FHIT: variants seen among roughly 807,000 people sequenced by gnomAD.
FHIT encodes bis(5'-adenosyl)-triphosphatase.
A neutral mutation model predicts 17.9 loss-of-function variants in FHIT; 19 were observed. The ratio of observed to expected loss-of-function variants is 1.06; its 90% confidence interval spans 0.74 to 1.56. FHIT has a LOEUF of 1.56. Among genes scored for constraint, FHIT ranks in the 40% most tolerant of loss-of-function variants. FHIT has a pLI of 0.00. For missense variants in FHIT, 248 were observed against 189.2 expected (o/e 1.31, Z -1.82); for synonymous variants, 81 against 69.7 (o/e 1.16, Z -0.81).
At chr3:60,111,561 T>C (rs533186867) in intron 5 of FHIT, among the ~76,000 whole-genome samples, 15 of 152,364 alleles carry the variant, frequency 9.8e-5, no homozygotes, top group African/African-American at 1.2e-4. Flanking sequence ...ATTTGAGAAA[T>C]ACCTTTCATT....
intron 7 of FHIT, among the ~76,000 whole-genome samples, chr3:59,942,424 C>T (rs1706569899): frequency 6.6e-6 from 1 of 152,150 alleles, no homozygotes; most frequent in Non-Finnish European, 1.5e-5. Context: ...CGCCTGTGGA[C>T]AAGTTTGTCA....
At chr3:59,888,292 T>A (rs17299290) in intron 8 of FHIT, among the ~76,000 whole-genome samples, 6,778 of 152,304 alleles carry the variant, frequency 0.045, 166 homozygotes, top group South Asian at 0.079. Flanking sequence ...CATGCATAGC[T>A]TATATAGAGA....
intron 4 of FHIT, among the ~76,000 whole-genome samples, chr3:60,648,736 A>C (rs111519555): frequency 7.6e-4 from 115 of 152,308 alleles, no homozygotes; most frequent in African/African-American, 2.7e-3. Context: ...GAAAAGCTAA[A>C]AAAGGAGCGA....
intron 7 of FHIT, among the ~76,000 whole-genome samples, chr3:59,953,521 A>T (rs1707232712): frequency 6.6e-6 from 1 of 152,050 alleles, no homozygotes; most frequent in African/African-American, 2.4e-5. Context: ...CTTGGTCGAA[A>T]CACTTGCAGA....
At chr3:60,428,417 A>G (rs1198116045) in intron 5 of FHIT, among the ~76,000 whole-genome samples, 2 of 152,096 alleles carry the variant, frequency 1.3e-5, no homozygotes, top group African/African-American at 4.8e-5. Context: ...TCTTCTTCCT[A>G]TATCCCTTTA....
intron 2 of FHIT, among the ~76,000 whole-genome samples, chr3:61,115,124 G>T (rs2036263304): frequency 1.3e-5 from 2 of 152,114 alleles, no homozygotes; most frequent in Non-Finnish European, 1.5e-5. Flanking sequence ...AGGTGTTGGG[G>T]CTATAACTGT....
chr3:60,062,176 T>C (rs1702320330), intron 5 of FHIT, among the ~76,000 whole-genome samples: 1 of 152,146 alleles, frequency 6.6e-6, no homozygotes. Context: ...AAGCATTGAT[T>C]GAGTACCTAA....
intron 3 of FHIT, among the ~76,000 whole-genome samples, chr3:60,963,305 T>C (rs185964022): frequency 5.3e-4 from 81 of 152,354 alleles, no homozygotes; most frequent in African/African-American, 1.9e-3. Flanking sequence ...TTGCATCTAT[T>C]TGATTCTTCT....
chr3:60,130,951 GACAATAAACCAGTAGAAAGGTA>G (rs1290169290), intron 5 of FHIT, among the ~76,000 whole-genome samples: 2 of 118,572 alleles, frequency 1.7e-5, no homozygotes, highest in African/African-American at 5.4e-5. Context: ...ATACATATGT[GACAATAAACCAGTAGAAAGGTA>G]TATATATACA....
chr3:60,955,635 C>CATATATATATACATATATATATACAT (rs1553778580), intron 3 of FHIT, among the ~76,000 whole-genome samples: 1 of 48,346 alleles, frequency 2.1e-5, no homozygotes, highest in Non-Finnish European at 4.4e-5. Flanking sequence ...TATATATATA[C>CATATATATATACATATATATATACAT]ACACACACAC....
chr3:60,023,286 C>A (rs982660273), intron 5 of FHIT, among the ~76,000 whole-genome samples: 3 of 152,172 alleles, frequency 2.0e-5, no homozygotes, highest in Non-Finnish European at 4.4e-5. Flanking sequence ...ATCTGCAATT[C>A]ATTGCAGATC....
At chr3:60,312,815 T>C (rs1709006337) in intron 5 of FHIT, among the ~76,000 whole-genome samples, 2 of 152,186 alleles carry the variant, frequency 1.3e-5, no homozygotes, top group South Asian at 4.1e-4. Context: ...ACAATTTGAA[T>C]AGGAACAACT....
At chr3:60,642,869 C>G (rs954666344) in intron 4 of FHIT, among the ~76,000 whole-genome samples, 1 of 152,150 alleles carries the variant, frequency 6.6e-6, no homozygotes, top group Non-Finnish European at 1.5e-5. Flanking sequence ...ACTCCTATTC[C>G]TATCTTAGCT....
chr3:60,768,652 G>A (rs1699932761), intron 4 of FHIT, among the ~76,000 whole-genome samples: 1 of 152,194 alleles, frequency 6.6e-6, no homozygotes, highest in African/African-American at 2.4e-5. Flanking sequence ...ACCTTTTGTG[G>A]TAAGGTGGGG....
chr3:59,953,651 G>A (rs1455454350), intron 7 of FHIT, among the ~76,000 whole-genome samples: 3 of 152,006 alleles, frequency 2.0e-5, no homozygotes, highest in Admixed American at 6.6e-5. Flanking sequence ...TACTGTGCTC[G>A]GCCTCCCACT....
chr3:60,321,544 T>A (rs1302250934), intron 5 of FHIT, among the ~76,000 whole-genome samples: 3 of 152,142 alleles, frequency 2.0e-5, no homozygotes, highest in Admixed American at 6.6e-5. Context: ...TAATCAGGCA[T>A]TGAGGGGTTA....
At chr3:61,187,707 AG>A (rs1413320505) in intron 2 of FHIT, among the ~76,000 whole-genome samples, 1 of 152,238 alleles carries the variant, frequency 6.6e-6, no homozygotes, top group Non-Finnish European at 1.5e-5. Context: ...CAAATGTAAA[AG>A]AACAGAAATT....
At chr3:60,944,788 G>A (rs1708569915) in intron 3 of FHIT, among the ~76,000 whole-genome samples, 1 of 152,154 alleles carries the variant, frequency 6.6e-6, no homozygotes, top group African/African-American at 2.4e-5. Flanking sequence ...GTCATCATGT[G>A]GCTCTGAGTA....
At chr3:60,615,642 A>T (rs1553675600) in intron 4 of FHIT, among the ~76,000 whole-genome samples, 1 of 152,250 alleles carries the variant, frequency 6.6e-6, no homozygotes, top group African/African-American at 2.4e-5. Context: ...TATTTGAGTA[A>T]TACCTACTAT....
Sources: gnomAD v4.1 joint callset for allele counts (sites outside exome capture counted in the v4.1 genomes callset) on GRCh38, gnomAD v4.1.1 for gene constraint, MANE v1.5 for transcripts, NCBI Gene and HGNC (gene_info 2026-07-23, HGNC 2026-07-21) for gene names.